NEK11: variants seen among roughly 807,000 people sequenced by gnomAD.
NEK11 encodes the protein serine/threonine-protein kinase Nek11.
A neutral mutation model predicts 80.7 loss-of-function variants in NEK11; 72 were observed. That is an observed-to-expected ratio of 0.89 (90% CI 0.74 to 1.08). The LOEUF (loss-of-function observed/expected upper bound fraction) is 1.08, where lower values mean the gene tolerates loss of function less well. Ranked by LOEUF, NEK11 falls within the 50% of genes least tolerant of loss-of-function variation. The probability of loss-of-function intolerance (pLI) is 0.00; values close to 1 mark genes in which losing one functional copy is unlikely to be tolerated. For synonymous variants in NEK11, 251 were observed against 260.7 expected (o/e 0.96, Z 0.36); for missense variants, 764 against 763.6 (o/e 1.00, Z -0.01).
intron 14 of NEK11, chr3:131,174,867 A>G (rs2150103710): frequency 6.4e-7 from 1 of 1,552,824 alleles, no homozygotes; most frequent in Non-Finnish European, 8.7e-7. Flanking sequence ...CTACCCCACC[A>G]TTCAGATGTG....
chr3:131,193,518 A>G (rs2093883053), intron 14 of NEK11, among the ~76,000 whole-genome samples: 1 of 152,176 alleles, frequency 6.6e-6, no homozygotes, highest in African/African-American at 2.4e-5. Flanking sequence ...CAATTTTAAT[A>G]AACTGGAAAA....
At chr3:131,186,328 TTAA>T (rs1163058949) in intron 14 of NEK11, among the ~76,000 whole-genome samples, 1 of 152,202 alleles carries the variant, frequency 6.6e-6, no homozygotes, top group Admixed American at 6.5e-5. Flanking sequence ...AATGATGGTC[TTAA>T]TGATGCCTAT....
chr3:131,138,722 A>G (rs751681100), intron 7 of NEK11, among the ~76,000 whole-genome samples: 2 of 152,172 alleles, frequency 1.3e-5, no homozygotes, highest in Non-Finnish European at 2.9e-5. Context: ...AGGGAAGAGA[A>G]CAAGAGTCTT....
At chr3:131,129,842 A>G (rs897486726) in intron 5 of NEK11, among the ~76,000 whole-genome samples, 1 of 152,086 alleles carries the variant, frequency 6.6e-6, no homozygotes, top group Non-Finnish European at 1.5e-5. Context: ...ACTGTACTTT[A>G]TAGAAAGTCT....
At chr3:131,146,572 C>G (rs2088322245) in intron 7 of NEK11, among the ~76,000 whole-genome samples, 1 of 152,104 alleles carries the variant, frequency 6.6e-6, no homozygotes, top group Non-Finnish European at 1.5e-5. Context: ...TATATTGTGG[C>G]AATTCATAAC....
At chr3:131,116,546 G>A (rs1259083428) in intron 5 of NEK11, among the ~76,000 whole-genome samples, 1 of 152,108 alleles carries the variant, frequency 6.6e-6, no homozygotes, top group Admixed American at 6.5e-5. Context: ...TTGAGGAATC[G>A]CCACACTGTC....
chr3:131,028,549 C>CT (rs869095904), intron 2 of NEK11, among the ~76,000 whole-genome samples: 1 of 136,012 alleles, frequency 7.4e-6, no homozygotes, highest in Admixed American at 7.6e-5. Flanking sequence ...TCCTGCCTTT[C>CT]TTTTTTTTGT....
intron 17 of NEK11, among the ~76,000 whole-genome samples, chr3:131,301,108 A>G (rs1442141140): frequency 2.0e-5 from 3 of 152,070 alleles, no homozygotes; most frequent in Admixed American, 2.0e-4. Flanking sequence ...CTGGTTAACT[A>G]TATTCCCAGG....
chr3:131,243,589 T>C, intron 16 of NEK11, 93 bp downstream of exon 16: 8 of 1,068,484 alleles, frequency 7.5e-6, no homozygotes, highest in Non-Finnish European at 1.1e-5. Flanking sequence ...TTAAGTCTGA[T>C]ATCTTAGTAT....
At chr3:131,220,901 T>C (rs2094997706) in intron 14 of NEK11, among the ~76,000 whole-genome samples, 1 of 152,078 alleles carries the variant, frequency 6.6e-6, no homozygotes, top group Non-Finnish European at 1.5e-5. Context: ...ACTGGAAGTT[T>C]TAGTACGATG....
intron 17 of NEK11, among the ~76,000 whole-genome samples, chr3:131,280,459 C>T (rs2096378495): frequency 6.6e-6 from 1 of 151,974 alleles, no homozygotes; most frequent in Non-Finnish European, 1.5e-5. Flanking sequence ...TTTTCTTCTG[C>T]AATGTCTAAT....
Position 131,349,974 on chromosome 3 carries a change from T to C in NEK11, c.*198T>C. ...CTATGCTTGGAGTCATAAGTGTTAT[T>C]TGGACTATACCCTGAGATAAGCTTA... is the stretch of plus-strand genomic sequence containing the variant. On this transcript the variant is annotated 3_prime_UTR_variant, in exon 18 of 18. Coordinates refer to ENST00000383366, the MANE Select transcript of NEK11 (RefSeq NM_024800.5). 1.7e-6 allele frequency: 1 copy of C among 582,220 alleles called. No individual in the cohort carries two copies. Among genetic ancestry groups the C allele is most frequent in the Non-Finnish European group, 3.0e-6 (1 of 328,296 alleles). 36.1% of individuals were successfully genotyped at this position (582,220 alleles called of 1,614,324 possible). A position where few individuals can be genotyped will look rare whatever the true frequency, so the allele number is the denominator to read the frequency against.
At chr3:131,055,532 G>A (rs1577533126) in intron 3 of NEK11, among the ~76,000 whole-genome samples, 1 of 152,070 alleles carries the variant, frequency 6.6e-6, no homozygotes, top group Non-Finnish European at 1.5e-5. Flanking sequence ...GGCCAGGAGT[G>A]TGAGACCAGC....
At chr3:131,107,396 G>T (rs1210400276) in intron 4 of NEK11, among the ~76,000 whole-genome samples, 2 of 151,580 alleles carry the variant, frequency 1.3e-5, no homozygotes, top group Non-Finnish European at 2.9e-5. Flanking sequence ...CTAGCAGGTA[G>T]CTTCACTGAT....
At chr3:131,300,920 C>T (rs11709535) in intron 17 of NEK11, among the ~76,000 whole-genome samples, 41,186 of 152,036 alleles carry the variant, frequency 0.27, 6,919 homozygotes, top group Middle Eastern at 0.46. Context: ...TGAAGAATGT[C>T]ATTATTAGTT....
At chr3:131,188,342 T>TA (rs1489150150) in intron 14 of NEK11, among the ~76,000 whole-genome samples, 1 of 152,176 alleles carries the variant, frequency 6.6e-6, no homozygotes, top group Non-Finnish European at 1.5e-5. Context: ...CAATTTCAAT[T>TA]TTTGCCATTG....
rs545913312 is a variant in NEK11, at chr3:131,237,805, A to G, written c.1561-5631A>G. Among the ~76,000 whole-genome samples the G allele has an allele frequency of 2.0e-5, 3 of 152,278 alleles. No individual in the cohort carries two copies. In the East Asian group the frequency reaches 5.8e-4, roughly 29 times the overall value. ...GACTGACATCCTTTCACTCACATTCATATCCAATCCATAAGCAAAACCTAT... is the reference window on the plus strand; with the variant it reads ...GACTGACATCCTTTCACTCACATTCGTATCCAATCCATAAGCAAAACCTAT... On this transcript the variant is annotated intron_variant, in intron 15 of 17. Coordinates refer to ENST00000383366, the MANE Select transcript of NEK11 (RefSeq NM_024800.5).
At chr3:131,177,372 GACA>G (rs1299613800) in intron 14 of NEK11, among the ~76,000 whole-genome samples, 1 of 152,160 alleles carries the variant, frequency 6.6e-6, no homozygotes, top group Non-Finnish European at 1.5e-5. Flanking sequence ...TATTAAGTGA[GACA>G]ACATGTATTT....
At chr3:131,332,405 T>A (rs1371120616) in intron 17 of NEK11, among the ~76,000 whole-genome samples, 8 of 152,092 alleles carry the variant, frequency 5.3e-5, no homozygotes, top group Admixed American at 5.2e-4. Flanking sequence ...CAGCTGAGGG[T>A]CCTGTCTGTT....
Sources: gnomAD v4.1 joint callset for allele counts (sites outside exome capture counted in the v4.1 genomes callset) on GRCh38, gnomAD v4.1.1 for gene constraint, MANE v1.5 for transcripts, NCBI Gene and HGNC (gene_info 2026-07-23, HGNC 2026-07-21) for gene names.